The following FRMD5 variants were observed in gnomAD, a reference collection of about 807,000 sequenced individuals.
The protein encoded by FRMD5 is FERM domain containing 5, also known as FERM domain-containing protein 5.
A neutral mutation model predicts 69.0 loss-of-function variants in FRMD5; 20 were observed. That is an observed-to-expected ratio of 0.29 (90% CI 0.20 to 0.42). The LOEUF (loss-of-function observed/expected upper bound fraction) is 0.42, where lower values mean the gene tolerates loss of function less well. Among genes scored for constraint, FRMD5 ranks in the 10% least tolerant of loss-of-function variants. The pLI, the probability that FRMD5 is intolerant of heterozygous loss-of-function variation, is 1.00. For missense variants in FRMD5, 595 were observed against 708.6 expected (o/e 0.84, Z 1.82); for synonymous variants, 271 against 260.1 (o/e 1.04, Z -0.40).
intron 1 of FRMD5, among the ~76,000 whole-genome samples, chr15:44,137,639 C>CT (rs2140436164): frequency 6.6e-6 from 1 of 152,212 alleles, no homozygotes; most frequent in South Asian, 2.1e-4. Context: ...ATCTATCATA[C>CT]ATGCCATATC....
At chr15:44,038,819 C>T (rs776184499) in intron 1 of FRMD5, among the ~76,000 whole-genome samples, 20 of 152,166 alleles carry the variant, frequency 1.3e-4, no homozygotes, top group Middle Eastern at 3.4e-3. Context: ...CAGTGCACTG[C>T]GGCCCAGATA....
At chr15:43,978,040 C>A (rs2090491163) in intron 1 of FRMD5, among the ~76,000 whole-genome samples, 1 of 151,968 alleles carries the variant, frequency 6.6e-6, no homozygotes, top group Admixed American at 6.6e-5. Context: ...TAAAAACCTC[C>A]CTATAGAAAC....
chr15:44,156,995 A>T (rs2077539239), intron 1 of FRMD5, among the ~76,000 whole-genome samples: 1 of 152,178 alleles, frequency 6.6e-6, no homozygotes, highest in Non-Finnish European at 1.5e-5. Context: ...GCAAGCTGGG[A>T]ATTGGAGGTC....
chr15:44,114,876 G>A (rs1595479870), intron 1 of FRMD5, among the ~76,000 whole-genome samples: 1 of 152,224 alleles, frequency 6.6e-6, no homozygotes, highest in East Asian at 1.9e-4. Context: ...GAAGACTGTG[G>A]CCAACTACTA....
At chr15:44,183,491 CTAAA>C (rs1303798583) in intron 1 of FRMD5, among the ~76,000 whole-genome samples, 3 of 152,174 alleles carry the variant, frequency 2.0e-5, no homozygotes, top group African/African-American at 7.2e-5. Flanking sequence ...GTGGTCAGCA[CTAAA>C]TAGTTAGTGG....
intron 1 of FRMD5, among the ~76,000 whole-genome samples, chr15:44,190,980 A>G (rs1307753887): frequency 2.6e-5 from 4 of 152,222 alleles, no homozygotes; most frequent in Admixed American, 6.5e-5. Flanking sequence ...TAGCTACCAC[A>G]GCTACTAAGT....
intron 1 of FRMD5, among the ~76,000 whole-genome samples, chr15:43,996,489 T>C (rs1023659913): frequency 3.3e-5 from 5 of 152,194 alleles, no homozygotes; most frequent in Non-Finnish European, 7.3e-5. Flanking sequence ...TATTTCTACA[T>C]GATACCTCAT....
chr15:43,950,474 T>C (rs1356552772), intron 1 of FRMD5, among the ~76,000 whole-genome samples: 4 of 152,190 alleles, frequency 2.6e-5, no homozygotes. Flanking sequence ...GATGATTCTA[T>C]AGTCTCTCTT....
chr15:44,149,238 T>C (rs760730864), intron 1 of FRMD5, among the ~76,000 whole-genome samples: 16 of 152,070 alleles, frequency 1.1e-4, no homozygotes, highest in South Asian at 2.1e-4. Flanking sequence ...ATGTAATCCC[T>C]ATAGTAACCA....
chr15:43,885,842 C>T, intron 10 of FRMD5, 87 bp from the exon 11 acceptor site: 2 of 1,009,570 alleles, frequency 2.0e-6, no homozygotes, highest in South Asian at 1.3e-5. Flanking sequence ...CTTCCAAAGG[C>T]TACTTGAAAC....
At chr15:43,976,326 GAAA>G (rs2140600844) in intron 1 of FRMD5, among the ~76,000 whole-genome samples, 1 of 152,184 alleles carries the variant, frequency 6.6e-6, no homozygotes, top group South Asian at 2.1e-4. Context: ...CTTTTCAAAA[GAAA>G]CTGTTGAGAG....
At position 44,059,526 on chromosome 15, in the gene FRMD5, T is replaced by C. The variant is rs1893004787; in HGVS notation, c.103-135217A>G. ...GGGTCACTATATTTCTTTCTTTCTT[T>C]TTTGAGATGGAGTCTCGCTCTCTTA... On this transcript the variant is annotated intron_variant, in intron 1 of 13. Transcript: ENST00000417257. Among the ~76,000 whole-genome samples the C allele has an allele frequency of 2.0e-5, 3 of 152,200 alleles. No homozygotes were observed. In the South Asian group the frequency reaches 6.2e-4, roughly 32 times the overall value.
chr15:44,087,737 T>TATC (rs61525802), intron 1 of FRMD5, among the ~76,000 whole-genome samples: 7,063 of 148,246 alleles, frequency 0.048, 260 homozygotes, highest in African/African-American at 0.1. Context: ...TATCAGCTGC[T>TATC]ATCATCATCA....
intron 13 of FRMD5, chr15:43,879,633 C>T (rs1322134670): frequency 2.8e-5 from 11 of 398,962 alleles, no homozygotes; most frequent in South Asian, 1.3e-4. Flanking sequence ...GAGCTGGACC[C>T]GGACTCTGGT....
At chr15:44,025,910 T>C (rs533613679) in intron 1 of FRMD5, among the ~76,000 whole-genome samples, 1 of 152,286 alleles carries the variant, frequency 6.6e-6, no homozygotes, top group Admixed American at 6.5e-5. Flanking sequence ...CTTTTCTCAT[T>C]CACTTTACTT....
At chr15:43,992,541 C>A (rs1200874510) in intron 1 of FRMD5, among the ~76,000 whole-genome samples, 2 of 152,028 alleles carry the variant, frequency 1.3e-5, no homozygotes, top group Non-Finnish European at 2.9e-5. Flanking sequence ...CTATGCCCAG[C>A]TAATTTTTGT....
intron 1 of FRMD5, among the ~76,000 whole-genome samples, chr15:44,014,263 T>C (rs1295215724): frequency 6.6e-6 from 1 of 152,064 alleles, no homozygotes; most frequent in Non-Finnish European, 1.5e-5. Flanking sequence ...AAGGAGTCTT[T>C]CTGTGCAAGC....
At chr15:43,906,030 C>A in intron 5 of FRMD5, 79 bp from the exon 6 acceptor site, 1 of 1,578,810 alleles carries the variant, frequency 6.3e-7, no homozygotes. Flanking sequence ...GATTAGCACA[C>A]AGAGCAAAAG....
At chr15:44,070,720 G>C (rs1198268008) in intron 1 of FRMD5, among the ~76,000 whole-genome samples, 3 of 152,132 alleles carry the variant, frequency 2.0e-5, no homozygotes, top group Non-Finnish European at 2.9e-5. Flanking sequence ...AACATTTCCT[G>C]CATGAAAGGA....
Sources: gnomAD v4.1 joint callset for allele counts (sites outside exome capture counted in the v4.1 genomes callset) on GRCh38, gnomAD v4.1.1 for gene constraint, MANE v1.5 for transcripts, NCBI Gene and HGNC (gene_info 2026-07-23, HGNC 2026-07-21) for gene names.